Variants in SEZ6L observed in about 807,000 individuals in gnomAD.
SEZ6L encodes the protein seizure 6-like protein.
In SEZ6L, 37 loss-of-function variants were observed where a neutral mutation model predicts 106.2. The observed-to-expected ratio is 0.35, with a 90% CI of 0.27 to 0.46. The LOEUF is 0.46. Among genes scored for constraint, SEZ6L ranks in the 20% least tolerant of loss-of-function variants. SEZ6L has a pLI of 1.00. For missense variants in SEZ6L, 1,172 were observed against 1,332.8 expected, an observed-to-expected ratio of 0.88 and a Z score of 1.88; for synonymous variants, 541 against 570.4, an observed-to-expected ratio of 0.95 and a Z score of 0.73.
intron 1 of SEZ6L, among the ~76,000 whole-genome samples, chr22:26,199,019 G>A (rs531330802): frequency 5.9e-5 from 9 of 152,280 alleles, no homozygotes; most frequent in East Asian, 1.9e-4. Flanking sequence ...CATTGGAAAC[G>A]TCATGACACA....
chr22:26,269,249 C>T (rs561622622), intron 1 of SEZ6L, among the ~76,000 whole-genome samples: 4 of 152,290 alleles, frequency 2.6e-5, no homozygotes, highest in South Asian at 4.2e-4. Flanking sequence ...ACCTTGCTCC[C>T]ACCTACATCA....
At chr22:26,310,545 A>T in intron 6 of SEZ6L, 125 bp from the exon 7 acceptor site, 3 of 988,460 alleles carry the variant, frequency 3.0e-6, no homozygotes, top group Non-Finnish European at 4.5e-6. Context: ...AAAAAAAAAG[A>T]GGCAGAGTTA....
Position 26,297,084 on chromosome 22 carries a change from G to A in SEZ6L, c.1162+4G>A, listed in dbSNP as rs1266533147. On this transcript the variant is annotated splice_donor_region_variant and intron_variant, in intron 4 of 16. Transcript: ENST00000248933. ...ACCTTCCAGCTTCACTACCAGGGTAGGGTCAGGCCAAGGCTGATGAAACAT... is the reference window on the plus strand; with the variant it reads ...ACCTTCCAGCTTCACTACCAGGGTAAGGTCAGGCCAAGGCTGATGAAACAT... 8.1e-6 allele frequency: 13 copies of A among 1,608,970 alleles called. No individual in the cohort carries two copies. The highest frequency in any genetic ancestry group is 1.1e-5 in the Non-Finnish European group (13 of 1,177,238).
At chr22:26,292,313 C>T (rs1569447573) in intron 1 of SEZ6L, 93 bp from the exon 2 acceptor site, 1 of 985,910 alleles carries the variant, frequency 1.0e-6, no homozygotes, top group East Asian at 2.6e-5. Context: ...GAGCTTTGGG[C>T]ACCGCCCTTA....
Position 26,331,002 on chromosome 22 carries a change from G to A in SEZ6L, c.2016-9434G>A, listed in dbSNP as rs950449364. Reference sequence around the variant, plus strand: ...CAAGGGTCAAATGTTTGTTTAGAAAGGAATAAGGAAAAGAAAGGTGGCTTG... The same window carrying A: ...CAAGGGTCAAATGTTTGTTTAGAAAAGAATAAGGAAAAGAAAGGTGGCTTG... On this transcript the variant is annotated intron_variant, in intron 9 of 16. Transcript: ENST00000248933. Among the ~76,000 whole-genome samples, 5 of 152,306 alleles carry A rather than the reference G, an allele frequency of 3.3e-5. No homozygotes were observed. In the East Asian group the frequency reaches 7.7e-4, roughly 24 times the overall value.
intron 11 of SEZ6L, among the ~76,000 whole-genome samples, chr22:26,349,386 C>T (rs1185965912): frequency 2.0e-5 from 3 of 152,132 alleles, no homozygotes; most frequent in Non-Finnish European, 4.4e-5. Context: ...AGTACCCAGG[C>T]AGTAGTAAAA....
chr22:26,312,066 C>A (rs2081855366), intron 8 of SEZ6L, 104 bp downstream of exon 8: 1 of 1,162,516 alleles, frequency 8.6e-7, no homozygotes, highest in Non-Finnish European at 1.2e-6. Flanking sequence ...AGTTTTCATA[C>A]CAACTTTAGG....
At chr22:26,216,375 G>A (rs1172984518) in intron 1 of SEZ6L, among the ~76,000 whole-genome samples, 1 of 152,214 alleles carries the variant, frequency 6.6e-6, no homozygotes, top group East Asian at 1.9e-4. Flanking sequence ...TCCAGCAGGG[G>A]CCGAGTGTGA....
intron 13 of SEZ6L, among the ~76,000 whole-genome samples, chr22:26,371,470 G>A (rs910531950): frequency 4.6e-5 from 7 of 151,866 alleles, no homozygotes; most frequent in African/African-American, 7.3e-5. Flanking sequence ...ACTACCATCA[G>A]AATATACACA....
intron 1 of SEZ6L, chr22:26,292,179 G>A: frequency 2.1e-6 from 1 of 469,874 alleles, no homozygotes; most frequent in Non-Finnish European, 3.7e-6. Context: ...AAGGAAAGAA[G>A]GAAGGAGGGA....
chr22:26,230,179 G>C (rs943189710), intron 1 of SEZ6L, among the ~76,000 whole-genome samples: 16 of 152,128 alleles, frequency 1.1e-4, no homozygotes, highest in Non-Finnish European at 2.2e-4. Context: ...GAGACAAGCA[G>C]AATCTGCTGT....
At chr22:26,220,252 G>C (rs548269710) in intron 1 of SEZ6L, among the ~76,000 whole-genome samples, 1 of 152,278 alleles carries the variant, frequency 6.6e-6, no homozygotes, top group African/African-American at 2.4e-5. Flanking sequence ...ACTGATCTCC[G>C]GCCTTGTACC....
chr22:26,338,867 C>CTTTTTTTTTTTTTTTTTTTTTTT (rs71192914), intron 9 of SEZ6L, among the ~76,000 whole-genome samples: 5 of 87,468 alleles, frequency 5.7e-5, no homozygotes, highest in Admixed American at 1.5e-4. Flanking sequence ...TTTTTTTTTT[C>CTTTTTTTTTTTTTTTTTTTTTTT]TTTTTTTTTT....
chr22:26,324,010 T>A (rs62225709), intron 9 of SEZ6L, among the ~76,000 whole-genome samples: 15,547 of 151,604 alleles, frequency 0.1, 1,126 homozygotes, highest in Admixed American at 0.24. Context: ...ACAATTAGGA[T>A]GTGGCCAAGT....
intron 1 of SEZ6L, among the ~76,000 whole-genome samples, chr22:26,250,872 C>T (rs928577888): frequency 2.6e-5 from 4 of 152,122 alleles, no homozygotes; most frequent in Admixed American, 2.6e-4. Context: ...AGGTCTTTCA[C>T]CTCCTTAGCT....
intron 11 of SEZ6L, among the ~76,000 whole-genome samples, chr22:26,350,769 G>T (rs1435156475): frequency 6.7e-6 from 1 of 149,920 alleles, no homozygotes; most frequent in Non-Finnish European, 1.5e-5. Flanking sequence ...CCATTCTCCT[G>T]CTTCAGCCTC....
intron 1 of SEZ6L, among the ~76,000 whole-genome samples, chr22:26,282,306 T>A (rs1873894264): frequency 6.6e-6 from 1 of 152,222 alleles, no homozygotes; most frequent in Non-Finnish European, 1.5e-5. Context: ...TTTGCTACTA[T>A]AAACAATGCT....
chr22:26,303,870 T>C (rs1027155684), intron 5 of SEZ6L, among the ~76,000 whole-genome samples: 2 of 152,140 alleles, frequency 1.3e-5, no homozygotes, highest in African/African-American at 4.8e-5. Context: ...GTCCTGTGCT[T>C]GGGAAGGAAA....
At position 26,236,272 on chromosome 22, in the gene SEZ6L, C is replaced by T. The variant is rs375325044; in HGVS notation, c.95-56134C>T. On this transcript the variant is annotated intron_variant, in intron 1 of 16. Coordinates refer to ENST00000248933, the MANE Select transcript of SEZ6L (RefSeq NM_021115.5). ...GCTCTGGAGATTCGGCATGGCCAAC[C>T]CATTAGTTCTCCTGGAGCTGAACAG... Among the ~76,000 whole-genome samples, 121 of 152,294 alleles carry T rather than the reference C, an allele frequency of 7.9e-4. 6 individuals carry two copies. In the South Asian group the frequency reaches 0.025, roughly 31 times the overall value.
Sources: allele counts gnomAD v4.1 joint callset (sites outside exome capture counted in the v4.1 genomes callset), GRCh38; gene constraint gnomAD v4.1.1; transcripts MANE v1.5; gene names NCBI Gene and HGNC (gene_info 2026-07-23, HGNC 2026-07-21).